SEPTIN9: variants seen among roughly 807,000 people sequenced by gnomAD.
The protein encoded by SEPTIN9 is septin-9.
In SEPTIN9, 13 loss-of-function variants were observed where a neutral mutation model predicts 56.6. The observed-to-expected ratio is 0.23, with a 90% CI of 0.15 to 0.37. SEPTIN9 has a LOEUF of 0.37. Among genes scored for constraint, SEPTIN9 ranks in the 10% least tolerant of loss-of-function variants. The probability of loss-of-function intolerance (pLI) is 1.00; values close to 1 mark genes in which losing one functional copy is unlikely to be tolerated. For missense variants in SEPTIN9, 650 were observed against 823.1 expected, an observed-to-expected ratio of 0.79 and a Z score of 2.57; for synonymous variants, 332 against 334.1, an observed-to-expected ratio of 0.99 and a Z score of 0.07.
intron 3 of SEPTIN9, among the ~76,000 whole-genome samples, chr17:77,404,181 C>G (rs917041260): frequency 2.0e-5 from 3 of 152,302 alleles, no homozygotes; most frequent in South Asian, 4.1e-4. Context: ...GTAGCTGTTC[C>G]TCCATCGGTG....
At chr17:77,486,152 T>G (rs538825544) in intron 4 of SEPTIN9, among the ~76,000 whole-genome samples, 1 of 150,026 alleles carries the variant, frequency 6.7e-6, no homozygotes, top group East Asian at 2.0e-4. Flanking sequence ...TCTCTGTCAC[T>G]CTGGAGTGGC....
At chr17:77,408,172 A>G (rs1370802382) in intron 3 of SEPTIN9, among the ~76,000 whole-genome samples, 2 of 152,152 alleles carry the variant, frequency 1.3e-5, no homozygotes, top group Non-Finnish European at 2.9e-5. Flanking sequence ...CCATGAGTCA[A>G]CTGGTTCTGA....
chr17:77,498,968 T>G lies in SEPTIN9; in HGVS notation c.*310T>G, dbSNP rs2143495492. 2 of 546,344 alleles carry G rather than the reference T, an allele frequency of 3.7e-6. No individual in the cohort carries two copies. Among genetic ancestry groups the G allele is most frequent in the Non-Finnish European group, 7.1e-6 (2 of 283,574 alleles). The allele number at this position is 546,344 out of a possible 1,614,324, so 33.8% of individuals were successfully genotyped here. The stretch of plus-strand genomic sequence containing the variant: ...AGGGCTCAGAAGAGCAGCTTCGGTG[T>G]GCAGATCATCCGTCTGTGTGGGGTT... On this transcript the variant is annotated 3_prime_UTR_variant, in exon 12 of 12. Transcript: ENST00000427177.
At chr17:77,312,071 C>T (rs1381631071) in intron 2 of SEPTIN9, among the ~76,000 whole-genome samples, 5 of 152,202 alleles carry the variant, frequency 3.3e-5, no homozygotes, top group East Asian at 1.9e-4. Flanking sequence ...CCTCTGCATA[C>T]TGACCCTTGG....
intron 3 of SEPTIN9, among the ~76,000 whole-genome samples, chr17:77,461,285 G>A (rs1280634991): frequency 1.3e-5 from 2 of 152,088 alleles, no homozygotes; most frequent in Admixed American, 1.3e-4. Context: ...CAGCCTGGAC[G>A]ACAGAGTGAG....
chr17:77,377,974 C>A (rs2034992443), intron 2 of SEPTIN9, among the ~76,000 whole-genome samples: 1 of 152,164 alleles, frequency 6.6e-6, no homozygotes, highest in Non-Finnish European at 1.5e-5. Context: ...TGACTTGATG[C>A]TCTTTGAGTT....
intron 2 of SEPTIN9, among the ~76,000 whole-genome samples, chr17:77,355,836 G>T: frequency 6.6e-6 from 1 of 151,532 alleles, no homozygotes; most frequent in African/African-American, 2.4e-5. Context: ...CAAAAAATTA[G>T]CCGGGCGTGG....
In SEPTIN9 at chr17:77,475,954, G is replaced by A. The variant is rs531740257; in HGVS notation, c.722-6190G>A. On this transcript the variant is annotated intron_variant, in intron 3 of 11. Coordinates refer to ENST00000427177, the MANE Select transcript of SEPTIN9 (RefSeq NM_001113491.2). The surrounding 1 kb of genome is among the most constrained non-coding windows in gnomAD (Gnocchi z 4.6). ...TCCGTGCTCTGAGAGCCAGGTGTGG[G>A]TTGGGTTTGGGGAAGACAGGGGAAT... is the stretch of plus-strand genomic sequence containing the variant. The A allele has an allele frequency of 4.5e-6, 7 of 1,569,042 alleles. No individual in the cohort carries two copies. The highest frequency in any genetic ancestry group is 2.3e-5 in the East Asian group (1 of 44,432).
At chr17:77,486,524 GCGCA>G (rs1330088854) in intron 4 of SEPTIN9, among the ~76,000 whole-genome samples, 6,582 of 107,808 alleles carry the variant, frequency 0.061, 177 homozygotes, top group Middle Eastern at 0.13. Flanking sequence ...GTGTGTGTGC[GCGCA>G]CGCGCGCGCG....
At position 77,451,336 on chromosome 17, in the gene SEPTIN9, G is replaced by C. The variant is rs2037959003; in HGVS notation, c.722-30808G>C. The C allele has an allele frequency of 1.0e-6, 1 of 985,370 alleles. No individual in the cohort carries two copies. Among genetic ancestry groups the C allele is most frequent in the Non-Finnish European group, 1.2e-6 (1 of 829,776 alleles). 61.0% of individuals were successfully genotyped at this position (985,370 alleles called of 1,614,324 possible). A position where few individuals can be genotyped will look rare whatever the true frequency, so the allele number is the denominator to read the frequency against. ...CTGCTCCCCTCGCCCTGCCCCCTTG[G>C]AGCAATTCCCCACCGAGCCTCCCTT... On this transcript the variant is annotated intron_variant, in intron 3 of 11. Transcript: ENST00000427177. This position sits in a 1 kb window ranked among gnomAD's most constrained non-coding sequence, Gnocchi z 4.2.
intron 2 of SEPTIN9, among the ~76,000 whole-genome samples, chr17:77,379,777 C>T (rs11659109): frequency 0.4 from 61,200 of 152,052 alleles, 12,964 homozygotes; most frequent in Non-Finnish European, 0.47. Flanking sequence ...GAGCCCCGGA[C>T]GATTCCGCCA....
intron 4 of SEPTIN9, among the ~76,000 whole-genome samples, chr17:77,484,870 T>C (rs531558555): frequency 1.0e-4 from 8 of 77,530 alleles, no homozygotes; most frequent in South Asian, 4.8e-4. Flanking sequence ...TGGTGGTGAT[T>C]GTGATGGTTG....
chr17:77,496,876 G>A lies in SEPTIN9; in HGVS notation c.1574-439G>A, dbSNP rs373297657. Among the ~76,000 whole-genome samples the A allele has an allele frequency of 1.6e-4, 24 of 152,310 alleles. 3 individuals carry two copies. The highest frequency in any genetic ancestry group is 5.1e-4 in the African/African-American group (21 of 41,576). Reference sequence around the variant, plus strand: ...AGGTTTTCTTTAAAATCCCAGCTCCGATTCCTGCTTCATCCCATTCCCAGC... The same window carrying A: ...AGGTTTTCTTTAAAATCCCAGCTCCAATTCCTGCTTCATCCCATTCCCAGC... On this transcript the variant is annotated intron_variant, in intron 10 of 11. Transcript: ENST00000427177.
chr17:77,490,647 C>A, intron 7 of SEPTIN9, 95 bp from the exon 8 acceptor site: 1 of 982,982 alleles, frequency 1.0e-6, no homozygotes, highest in Non-Finnish European at 1.6e-6. Flanking sequence ...GAGCCCCGAG[C>A]CAGCACCTGA....
At chr17:77,331,011 G>T (rs2033326529) in intron 2 of SEPTIN9, among the ~76,000 whole-genome samples, 1 of 152,198 alleles carries the variant, frequency 6.6e-6, no homozygotes, top group African/African-American at 2.4e-5. Flanking sequence ...ATGCCAGCAG[G>T]CCCTGCTGCT....
At chr17:77,413,883 C>T (rs1598336108) in intron 3 of SEPTIN9, among the ~76,000 whole-genome samples, 1 of 151,206 alleles carries the variant, frequency 6.6e-6, no homozygotes, top group South Asian at 2.1e-4. Context: ...TTAATGAAAC[C>T]AAATTTCCGT....
In SEPTIN9 at chr17:77,364,596, G is replaced by A. The variant is rs369081223; in HGVS notation, c.77-37463G>A. ...CAGAGATGGTCAGTGGCAGTGAGGA[G>A]AGGGGGGCAGGAAGAGACCAGGGCT... On this transcript the variant is annotated intron_variant, in intron 2 of 11. Transcript: ENST00000427177. Among the ~76,000 whole-genome samples the A allele has an allele frequency of 9.2e-5, 14 of 152,346 alleles. No homozygotes were observed. In the South Asian group the frequency reaches 1.0e-3, roughly 11 times the overall value.
Position 77,373,568 on chromosome 17 carries a change from G to A in SEPTIN9, c.77-28491G>A, listed in dbSNP as rs1027585767. On this transcript the variant is annotated intron_variant, in intron 2 of 11. Transcript: ENST00000427177. ...GACTTCGAAGGTGGGTGCTGGGCTG[G>A]CTGCTGCGGCCGCGGACGTGCTGGA... 5 of 1,544,114 alleles carry A rather than the reference G, an allele frequency of 3.2e-6. No homozygotes were observed. In the East Asian group the frequency reaches 1.2e-4, roughly 38 times the overall value.
At position 77,380,822 on chromosome 17, in the gene SEPTIN9, G is replaced by A. The variant is rs564271195; in HGVS notation, c.77-21237G>A. Among the ~76,000 whole-genome samples the A allele has an allele frequency of 2.0e-5, 3 of 152,314 alleles. No individual in the cohort carries two copies. In the South Asian group the frequency reaches 6.2e-4, roughly 32 times the overall value. On this transcript the variant is annotated intron_variant, in intron 2 of 11. Coordinates refer to ENST00000427177, the MANE Select transcript of SEPTIN9 (RefSeq NM_001113491.2). Reference sequence around the variant, plus strand: ...CACCCCCAGGGACTCAGGTCTTGAGGGACAGCGGAAGGGTGGGGTGGGGAG... The same window carrying A: ...CACCCCCAGGGACTCAGGTCTTGAGAGACAGCGGAAGGGTGGGGTGGGGAG...
Sources: allele counts gnomAD v4.1 joint callset (sites outside exome capture counted in the v4.1 genomes callset), GRCh38; gene constraint gnomAD v4.1.1; non-coding constraint Gnocchi (gnomAD v3.1); transcripts MANE v1.5; gene names NCBI Gene and HGNC (gene_info 2026-07-23, HGNC 2026-07-21).